The following PCDH11X variants were observed in gnomAD, a reference collection of about 807,000 sequenced individuals.
PCDH11X encodes the protein protocadherin 11 X-linked.
A neutral mutation model predicts 53.3 loss-of-function variants in PCDH11X; 18 were observed. That is an observed-to-expected ratio of 0.34 (90% CI 0.23 to 0.50). The LOEUF (loss-of-function observed/expected upper bound fraction) is 0.50. Among genes scored for constraint, PCDH11X ranks in the 20% least tolerant of loss-of-function variants. The probability of loss-of-function intolerance (pLI) is 0.98; values close to 1 mark genes in which losing one functional copy is unlikely to be tolerated. For missense variants in PCDH11X, 570 were observed against 1,032.4 expected, an observed-to-expected ratio of 0.55 and a Z score of 6.14; for synonymous variants, 279 against 393.3, an observed-to-expected ratio of 0.71 and a Z score of 3.44.
intron 6 of PCDH11X, among the ~76,000 whole-genome samples, chrX:92,081,013 G>T (rs1484166851): frequency 9.0e-6 from 1 of 110,527 alleles, no homozygotes; most frequent in Non-Finnish European, 1.9e-5. Flanking sequence ...CAGAATGAAA[G>T]TCAGACCGAT....
chrX:92,010,640 A>G (rs756346455), intron 6 of PCDH11X, among the ~76,000 whole-genome samples: 1 of 110,926 alleles, frequency 9.0e-6, no homozygotes, highest in Admixed American at 9.8e-5. Flanking sequence ...AAATAATTCT[A>G]TAAGATGGAT....
chrX:92,551,508 GT>G (rs780027263), intron 10 of PCDH11X, among the ~76,000 whole-genome samples: 2 of 104,647 alleles, frequency 1.9e-5, no homozygotes, highest in Non-Finnish European at 4.0e-5. Context: ...CCTTCTGTGG[GT>G]TGTCTCTTCA....
intron 6 of PCDH11X, among the ~76,000 whole-genome samples, chrX:92,105,460 C>G (rs1387270873): frequency 1.8e-5 from 2 of 110,263 alleles, no homozygotes; most frequent in African/African-American, 6.6e-5. Context: ...TGTGAAGAGA[C>G]CACCAAACAG....
chrX:91,880,720 T>C (rs1399528944), intron 6 of PCDH11X, among the ~76,000 whole-genome samples: 1 of 110,236 alleles, frequency 9.1e-6, no homozygotes, highest in Non-Finnish European at 1.9e-5. Flanking sequence ...GCTGCAGTTG[T>C]TATTTCTACA....
At chrX:92,427,095 A>C (rs1381529387) in intron 9 of PCDH11X, among the ~76,000 whole-genome samples, 1 of 110,558 alleles carries the variant, frequency 9.0e-6, no homozygotes, top group Non-Finnish European at 1.9e-5. Context: ...CAGCTTTATA[A>C]AAAAATTTTC....
chrX:91,877,969 T>C lies in PCDH11X; in HGVS notation c.1729T>C (p.Phe577Leu). ...SPVFTHNEYN[F>L]YVPENLPRHG... ...AGTTTTCACTCACAATGAATACAAC[T>C]TCTATGTCCCAGAAAACCTTCCAAG... Residue 577 changes from phenylalanine (F) to leucine (L), a missense_variant, in exon 6 of 11, where the codon TTC (phenylalanine) becomes CTC (leucine). By Grantham distance (22) the Phe-to-Leu change is conservative (BLOSUM62 0). Coordinates refer to ENST00000682573, the MANE Select transcript of PCDH11X (RefSeq NM_032968.5). 1 of 1,211,763 alleles carries C rather than the reference T, an allele frequency of 8.3e-7. No homozygotes were observed. Among genetic ancestry groups the C allele is most frequent in the Non-Finnish European group, 1.1e-6 (1 of 895,455 alleles).
intron 9 of PCDH11X, among the ~76,000 whole-genome samples, chrX:92,418,145 T>C (rs2071862460): frequency 9.5e-6 from 1 of 104,942 alleles, no homozygotes; most frequent in African/African-American, 3.4e-5. Flanking sequence ...TATTCTATTT[T>C]TTTAGTTATT....
At chrX:91,803,255 G>A (rs993020513) in intron 1 of PCDH11X, among the ~76,000 whole-genome samples, 3 of 110,784 alleles carry the variant, frequency 2.7e-5, no homozygotes, top group Non-Finnish European at 5.7e-5. Flanking sequence ...AGAAACATAC[G>A]GAATGAAGCC....
intron 6 of PCDH11X, among the ~76,000 whole-genome samples, chrX:92,010,545 C>A (rs1483095631): frequency 1.8e-5 from 2 of 110,807 alleles, no homozygotes; most frequent in Non-Finnish European, 3.8e-5. Flanking sequence ...TCAGAGAGTT[C>A]TTTCATTACC....
At chrX:92,313,969 T>C (rs961292031) in intron 8 of PCDH11X, among the ~76,000 whole-genome samples, 1 of 111,493 alleles carries the variant, frequency 9.0e-6, no homozygotes, top group African/African-American at 3.3e-5. Context: ...GACACTACTG[T>C]ACACTACTGT....
rs748243852 is a variant in PCDH11X, at chrX:92,075,039, A to G, written c.3034-126336A>G. On this transcript the variant is annotated intron_variant, in intron 6 of 10. Coordinates refer to ENST00000682573, the MANE Select transcript of PCDH11X (RefSeq NM_032968.5). Reference sequence around the variant, plus strand: ...AGAGCTCACAGGTAAAAACTGATATAAGGAATGAAGCAAAACAAAGTTGCA... The same window carrying G: ...AGAGCTCACAGGTAAAAACTGATATGAGGAATGAAGCAAAACAAAGTTGCA... Among the ~76,000 whole-genome samples, 10 of 110,203 alleles carry G rather than the reference A, an allele frequency of 9.1e-5. No individual in the cohort carries two copies. In the South Asian group the frequency reaches 2.7e-3, roughly 30 times the overall value.
intron 6 of PCDH11X, among the ~76,000 whole-genome samples, chrX:91,891,575 G>A (rs1403330002): frequency 2.0e-5 from 2 of 101,918 alleles, no homozygotes; most frequent in African/African-American, 7.3e-5. Flanking sequence ...AGTTTCGTGC[G>A]TTTTATTGTA....
rs1937263464 is a variant in PCDH11X, at chrX:91,835,549, A to G, written c.45A>G (p.Ala15=). The change falls in exon 5 of 11, where the codon GCA becomes GCG. Residue 15 remains alanine (A), a synonymous_variant. Transcript: ENST00000682573. ...SGTYIFAVLL[A]CVVFHSGAQE... ...CGTACATTTTCGCGGTCCTGCTAGC[A>G]TGCGTGGTGTTCCACTCTGGCGCCC... is the stretch of plus-strand genomic sequence containing the variant. The G allele has an allele frequency of 8.3e-7, 1 of 1,209,071 alleles. No homozygotes were observed. The highest frequency in any genetic ancestry group is 1.8e-5 in the African/African-American group (1 of 56,810).
In PCDH11X at chrX:92,164,492, A is replaced by G. The variant is rs372252835; in HGVS notation, c.3034-36883A>G. On this transcript the variant is annotated intron_variant, in intron 6 of 10. Coordinates refer to ENST00000682573, the MANE Select transcript of PCDH11X (RefSeq NM_032968.5). Reference sequence around the variant, plus strand: ...CTGAGGTATGGCAGGAATAACATGTATTCATGAATGTTCTTGAAGGCAAGG... The same window carrying G: ...CTGAGGTATGGCAGGAATAACATGTGTTCATGAATGTTCTTGAAGGCAAGG... 3.4e-4 allele frequency among the ~76,000 whole-genome samples: 38 copies of G among 112,285 alleles called. No homozygotes were observed. In the East Asian group the frequency reaches 9.8e-3, roughly 29 times the overall value.
chrX:91,933,706 C>T (rs1214696627), intron 6 of PCDH11X, among the ~76,000 whole-genome samples: 3 of 111,074 alleles, frequency 2.7e-5, no homozygotes, highest in Non-Finnish European at 5.7e-5. Context: ...TTATGAACTG[C>T]TTAGGTAGTA....
intron 6 of PCDH11X, among the ~76,000 whole-genome samples, chrX:91,954,350 G>A (rs141727012): frequency 0.1 from 11,328 of 110,708 alleles, 634 homozygotes; most frequent in African/African-American, 0.21. Context: ...TCCTTTATCC[G>A]GTCTATCATT....
chrX:92,236,860 G>T (rs2067180331), intron 7 of PCDH11X, among the ~76,000 whole-genome samples: 1 of 111,844 alleles, frequency 8.9e-6, no homozygotes, highest in Admixed American at 9.5e-5. Context: ...TGTCCACAAT[G>T]TACAATGAGA....
chrX:92,139,857 T>C (rs1218977734), intron 6 of PCDH11X, among the ~76,000 whole-genome samples: 2 of 111,008 alleles, frequency 1.8e-5, no homozygotes, highest in Non-Finnish European at 3.8e-5. Flanking sequence ...GATCTATCAA[T>C]AAAGAAGGGA....
At chrX:91,883,966 G>A (rs1940065244) in intron 6 of PCDH11X, 1 of 652,476 alleles carries the variant, frequency 1.5e-6, no homozygotes, top group Non-Finnish European at 1.8e-6. Context: ...GAGGTGGGTG[G>A]ATCACCTGAG....
Sources: allele counts gnomAD v4.1 joint callset (sites outside exome capture counted in the v4.1 genomes callset), GRCh38; gene constraint gnomAD v4.1.1; transcripts MANE v1.5; gene names NCBI Gene and HGNC (gene_info 2026-07-23, HGNC 2026-07-21).